SYCP2: variants seen among roughly 807,000 people sequenced by gnomAD.
The protein encoded by SYCP2 is synaptonemal complex protein 2.
Under a neutral mutation model 211.3 loss-of-function variants are expected in SYCP2, and 55 were observed. The ratio of observed to expected loss-of-function variants is 0.26; its 90% CI spans 0.21 to 0.33. SYCP2 has a LOEUF of 0.33. SYCP2 is among the 10% of genes least tolerant of loss of function. SYCP2 has a pLI of 1.00. For synonymous variants in SYCP2, 570 were observed against 555.2 expected (o/e 1.03, Z -0.37); for missense variants, 1,731 against 1,752.0 (o/e 0.99, Z 0.21).
chr20:59,893,671 G>T, intron 20 of SYCP2, 78 bp from the exon 21 acceptor site: 2 of 1,035,894 alleles, frequency 1.9e-6, no homozygotes, highest in Non-Finnish European at 2.8e-6. Context: ...TAAGGTTTGA[G>T]TCTTTTAAAA....
intron 2 of SYCP2, among the ~76,000 whole-genome samples, chr20:59,929,897 T>C (rs943958336): frequency 1.3e-5 from 2 of 152,100 alleles, no homozygotes; most frequent in African/African-American, 4.8e-5. Context: ...GCATGGTGTC[T>C]AGACTGAGAA....
At chr20:59,884,920 T>C (rs1416568142) in intron 26 of SYCP2, among the ~76,000 whole-genome samples, 1 of 152,054 alleles carries the variant, frequency 6.6e-6, no homozygotes, top group Admixed American at 6.6e-5. Flanking sequence ...AAACACTCTA[T>C]TGTACAGATT....
At chr20:59,906,303 C>T (rs2060212536) in intron 15 of SYCP2, among the ~76,000 whole-genome samples, 1 of 152,012 alleles carries the variant, frequency 6.6e-6, no homozygotes, top group African/African-American at 2.4e-5. Context: ...CAAGACTAAC[C>T]ACAAATCTAC....
chr20:59,868,436 T>C lies in SYCP2; in HGVS notation c.3965A>G (p.Asp1322Gly), dbSNP rs771942360. The C allele has an allele frequency of 1.9e-6, 3 of 1,610,664 alleles. No homozygotes were observed. The Admixed American group carries it at 5.0e-5, about 27-fold the overall frequency. Reference protein sequence around the residue: ...LLPKKLCKIEDADHHIHKMSE... With the variant: ...LLPKKLCKIEGADHHIHKMSE... ...ACTTTTGTGGATATGATGATCTGCA[T>C]CTTCAATTTTACACAGTTTTTTGGG... The change falls in exon 38 of 45, where the codon GAT (aspartate) becomes GGT (glycine). Residue 1322 changes from aspartate to glycine, a missense_variant. By Grantham distance (94) the Asp-to-Gly change is moderately conservative. This residue lies in a region of SYCP2 where 1,387 missense variants were observed against 1,351.3 expected (regional missense o/e 1.03). Transcript: ENST00000357552.
chr20:59,874,233 G>C (rs1208168275), intron 34 of SYCP2, among the ~76,000 whole-genome samples, 172 bp from the exon 35 acceptor site: 1 of 151,994 alleles, frequency 6.6e-6, no homozygotes, highest in African/African-American at 2.4e-5. Flanking sequence ...TAAAATATTT[G>C]TAAGACTGAA....
Position 59,864,133 on chromosome 20 carries a change from TGTTATA to T in SYCP2, c.*172_*177del. Reference sequence around the variant, plus strand: ...CAGAAGTCTTCTGGGCTTGGACTCATGTTATAGTGGTTCCCTCTCATCCATTAAAAG... The same window carrying T: ...CAGAAGTCTTCTGGGCTTGGACTCATGTGGTTCCCTCTCATCCATTAAAAG... On this transcript the variant is annotated 3_prime_UTR_variant, in exon 45 of 45. Transcript: ENST00000357552. The T allele has an allele frequency of 2.3e-6, 1 of 427,704 alleles. No homozygotes were observed. The highest frequency in any genetic ancestry group is 4.2e-6 in the Non-Finnish European group (1 of 237,698). 26.5% of individuals were successfully genotyped at this position (427,704 alleles called of 1,614,324 possible).
intron 29 of SYCP2, among the ~76,000 whole-genome samples, 161 bp from the exon 30 acceptor site, chr20:59,881,184 A>G (rs1416722768): frequency 6.6e-6 from 1 of 151,784 alleles, no homozygotes; most frequent in Non-Finnish European, 1.5e-5. Context: ...CTCAGTTATA[A>G]AATAACTATA....
Position 59,921,319 on chromosome 20 carries a change from A to C in SYCP2, c.159T>G (p.Leu53=), listed in dbSNP as rs982966329. 2.5e-6 allele frequency: 4 copies of C among 1,600,118 alleles called. No individual in the cohort carries two copies. The African/African-American group carries it at 4.0e-5, about 16-fold the overall frequency. ...AAAAATGAATATTTACCCTGCATAT[A>C]AGGTTGTCCACCTTGTGGAAAAACT... ...SKQFFHKVDN[L]ICRELNKEDI... is the part of the protein sequence containing the mutation. The change falls in exon 4 of 45, where the codon CTT becomes CTG. Residue 53 remains leucine, a synonymous_variant. Transcript: ENST00000357552.
Position 59,922,251 on chromosome 20 carries a change from T to C in SYCP2, c.24+139A>G, listed in dbSNP as rs966771145. The C allele has an allele frequency of 4.2e-6, 3 of 709,270 alleles. No homozygotes were observed. In the African/African-American group the frequency reaches 5.6e-5, roughly 13 times the overall value. The allele number at this position is 709,270 out of a possible 1,614,324, so 43.9% of individuals were successfully genotyped here. ...ATCTAATGAATACATGAAAGGACAC[T>C]TTATTTAAACTATTCTTGACCATTT... is the stretch of plus-strand genomic sequence containing the variant. On this transcript the variant is annotated intron_variant, in intron 3 of 44. Transcript: ENST00000357552.
At chr20:59,915,870 T>C (rs2060430422) in intron 8 of SYCP2, among the ~76,000 whole-genome samples, 1 of 152,110 alleles carries the variant, frequency 6.6e-6, no homozygotes, top group Non-Finnish European at 1.5e-5. Context: ...AACACGTGCC[T>C]GTAATCCCAG....
chr20:59,923,925 C>G (rs1321174416), intron 2 of SYCP2, among the ~76,000 whole-genome samples: 1 of 151,868 alleles, frequency 6.6e-6, no homozygotes, highest in Non-Finnish European at 1.5e-5. Flanking sequence ...TCAATAATTA[C>G]ATTGAAAGTA....
intron 31 of SYCP2, among the ~76,000 whole-genome samples, chr20:59,879,902 A>C (rs555514551): frequency 6.8e-6 from 1 of 147,806 alleles, no homozygotes; most frequent in East Asian, 2.0e-4. Context: ...TATTTATTTT[A>C]TACACACACA....
intron 2 of SYCP2, among the ~76,000 whole-genome samples, chr20:59,925,051 ATATAT>A (rs1339109055): frequency 6.6e-6 from 1 of 152,096 alleles, no homozygotes; most frequent in Non-Finnish European, 1.5e-5. Flanking sequence ...CTAGAACATA[ATATAT>A]TAGAACATCT....
At chr20:59,912,063 T>A (rs990630199) in intron 13 of SYCP2, 1 of 410,302 alleles carries the variant, frequency 2.4e-6, no homozygotes, top group Non-Finnish European at 4.3e-6. Flanking sequence ...AAATTATGAA[T>A]ATTCCAAGTG....
At chr20:59,886,072 A>G (rs1479892890) in intron 25 of SYCP2, 108 bp from the exon 26 acceptor site, 3 of 806,954 alleles carry the variant, frequency 3.7e-6, no homozygotes, top group Non-Finnish European at 4.0e-6. Flanking sequence ...TCAATGTTAA[A>G]AATAACCAAA....
At chr20:59,910,180 T>C (rs1312016396) in intron 14 of SYCP2, among the ~76,000 whole-genome samples, 1 of 151,992 alleles carries the variant, frequency 6.6e-6, no homozygotes, top group Non-Finnish European at 1.5e-5. Context: ...ATGGCTTTTA[T>C]GGAGAACAAG....
chr20:59,929,762 G>A (rs79788470), intron 2 of SYCP2, among the ~76,000 whole-genome samples: 4,068 of 151,828 alleles, frequency 0.027, 192 homozygotes, highest in African/African-American at 0.093. Flanking sequence ...TACAAATACT[G>A]GGCATATGAA....
intron 6 of SYCP2, 150 bp downstream of exon 6, chr20:59,919,343 T>A (rs1033229346): frequency 2.9e-6 from 2 of 688,076 alleles, no homozygotes; most frequent in African/African-American, 3.7e-5. Flanking sequence ...TTTACCAGAA[T>A]AAATGCTTTA....
At chr20:59,865,493 T>TCA (rs1191894053) in intron 43 of SYCP2, 49 bp from the exon 44 acceptor site, 1 of 1,587,028 alleles carries the variant, frequency 6.3e-7, no homozygotes, top group Middle Eastern at 1.7e-4. Flanking sequence ...CATAAAGTTT[T>TCA]CACAGCAAAG....
Sources: allele counts gnomAD v4.1 joint callset (sites outside exome capture counted in the v4.1 genomes callset), GRCh38; gene constraint gnomAD v4.1.1; regional missense constraint gnomAD v4.1.1; transcripts MANE v1.5; gene names NCBI Gene and HGNC (gene_info 2026-07-23, HGNC 2026-07-21).